Variants in MACROD2 observed in about 807,000 individuals in gnomAD.
MACROD2 encodes the protein ADP-ribose glycohydrolase MACROD2.
Under a neutral mutation model 70.4 loss-of-function variants are expected in MACROD2, and 36 were observed. That is an observed-to-expected ratio of 0.51 (90% CI 0.39 to 0.68). The LOEUF (loss-of-function observed/expected upper bound fraction) is 0.68, where lower values mean the gene tolerates loss of function less well. MACROD2 is among the 30% of genes least tolerant of loss of function. The probability of loss-of-function intolerance (pLI) is 0.00; values close to 1 mark genes in which losing one functional copy is unlikely to be tolerated. For synonymous variants in MACROD2, 172 were observed against 178.8 expected (o/e 0.96, Z 0.30); for missense variants, 496 against 538.4 (o/e 0.92, Z 0.78).
At chr20:15,235,096 A>G (rs566219623) in intron 6 of MACROD2, among the ~76,000 whole-genome samples, 8 of 152,348 alleles carry the variant, frequency 5.3e-5, no homozygotes, top group African/African-American at 1.7e-4. Context: ...TATTTGAGAA[A>G]ACTATTTTCA....
intron 8 of MACROD2, among the ~76,000 whole-genome samples, chr20:15,580,274 G>A (rs1414724689): frequency 2.0e-5 from 3 of 152,156 alleles, no homozygotes; most frequent in Non-Finnish European, 4.4e-5. Context: ...ACAATTTGGA[G>A]TCATTCTTCT....
chr20:15,687,514 TC>T (rs113502908), intron 8 of MACROD2, among the ~76,000 whole-genome samples: 32,379 of 151,900 alleles, frequency 0.21, 5,370 homozygotes, highest in African/African-American at 0.47. Flanking sequence ...TTGGTCATTG[TC>T]CTACATTCCC....
chr20:16,051,886 A>G lies in MACROD2; in HGVS notation c.*2010A>G, dbSNP rs910154940. On this transcript the variant is annotated 3_prime_UTR_variant, in exon 18 of 18. Transcript: ENST00000684519. ...CAGAGGGACAGAGATTTTCTAATGA[A>G]CAATGATGGAAGAGACCTAATGTCC... is the stretch of plus-strand genomic sequence containing the variant. 1.3e-5 allele frequency: 2 copies of G among 152,358 alleles called. No individual in the cohort carries two copies. Among genetic ancestry groups the G allele is most frequent in the Non-Finnish European group, 1.5e-5 (1 of 68,040 alleles). The allele number at this position is 152,358 out of a possible 1,614,324, so 9.4% of individuals were successfully genotyped here.
At chr20:15,474,738 G>C (rs970972054) in intron 7 of MACROD2, among the ~76,000 whole-genome samples, 5 of 152,192 alleles carry the variant, frequency 3.3e-5, no homozygotes, top group African/African-American at 1.2e-4. Flanking sequence ...AGAGAAAGTA[G>C]TTCGTTCTTA....
chr20:14,949,680 A>G (rs1424238643), intron 5 of MACROD2, among the ~76,000 whole-genome samples: 1 of 152,184 alleles, frequency 6.6e-6, no homozygotes, highest in Non-Finnish European at 1.5e-5. Context: ...TGACGCATTC[A>G]TGGTTTTCTT....
intron 8 of MACROD2, among the ~76,000 whole-genome samples, chr20:15,617,140 G>C (rs139226469): frequency 6.6e-6 from 1 of 152,134 alleles, no homozygotes; most frequent in African/African-American, 2.4e-5. Context: ...AAGTTACCAG[G>C]CTTTGTGCTC....
chr20:14,297,153 T>C (rs1054631804), intron 3 of MACROD2, among the ~76,000 whole-genome samples: 3 of 151,852 alleles, frequency 2.0e-5, no homozygotes, highest in African/African-American at 7.3e-5. Context: ...CTCCACTGAC[T>C]GGCTGTTTCC....
chr20:14,778,118 C>A (rs941781801), intron 5 of MACROD2, among the ~76,000 whole-genome samples: 3 of 152,180 alleles, frequency 2.0e-5, no homozygotes, highest in Middle Eastern at 3.4e-3. Flanking sequence ...GTCCCAAGTT[C>A]CAAAAGTTTG....
intron 7 of MACROD2, among the ~76,000 whole-genome samples, chr20:15,458,627 G>GTTT (rs1195911390): frequency 9.2e-6 from 1 of 108,944 alleles, no homozygotes; most frequent in African/African-American, 3.2e-5. Context: ...TTGTTTTTTT[G>GTTT]TTTTTTTTTT....
At chr20:15,331,719 A>G (rs955002364) in intron 6 of MACROD2, among the ~76,000 whole-genome samples, 3 of 151,526 alleles carry the variant, frequency 2.0e-5, no homozygotes, top group African/African-American at 7.3e-5. Context: ...CATTTTCAAG[A>G]ACTTGCTTTA....
intron 15 of MACROD2, among the ~76,000 whole-genome samples, chr20:16,009,948 G>A (rs2066840697): frequency 6.6e-6 from 1 of 152,068 alleles, no homozygotes; most frequent in Admixed American, 6.5e-5. Context: ...TCAGTAACTA[G>A]AAGAAATTGC....
chr20:15,439,991 T>C (rs1177496310), intron 7 of MACROD2, among the ~76,000 whole-genome samples: 1 of 152,152 alleles, frequency 6.6e-6, no homozygotes. Flanking sequence ...TCAGGCGTGC[T>C]TTCTGCCCTT....
chr20:15,802,340 C>G (rs551649827), intron 8 of MACROD2, among the ~76,000 whole-genome samples: 66 of 152,186 alleles, frequency 4.3e-4, no homozygotes, highest in South Asian at 8.3e-4. Context: ...TCATATATAG[C>G]TTTTATTATG....
chr20:15,610,144 G>A (rs897675015), intron 8 of MACROD2, among the ~76,000 whole-genome samples: 2 of 152,178 alleles, frequency 1.3e-5, no homozygotes, highest in Admixed American at 1.3e-4. Flanking sequence ...CAAACATGAA[G>A]TGGGTAGATT....
At chr20:14,934,547 G>T (rs1170823153) in intron 5 of MACROD2, among the ~76,000 whole-genome samples, 1 of 152,190 alleles carries the variant, frequency 6.6e-6, no homozygotes, top group Non-Finnish European at 1.5e-5. Flanking sequence ...AGCACTTTGG[G>T]AGGCTGAGGC....
intron 3 of MACROD2, among the ~76,000 whole-genome samples, chr20:14,467,753 T>C (rs116338091): frequency 3.3e-5 from 5 of 152,156 alleles, no homozygotes; most frequent in African/African-American, 1.2e-4. Flanking sequence ...CATTTAGTGC[T>C]TCACATTTCC....
At chr20:14,096,878 G>GTGTGTAA in intron 3 of MACROD2, among the ~76,000 whole-genome samples, 1 of 152,190 alleles carries the variant, frequency 6.6e-6, no homozygotes, top group Admixed American at 6.5e-5. Context: ...CTTTGCCCAT[G>GTGTGTAA]GGAAGTTTAG....
chr20:15,497,629 T>G (rs1324066854), intron 7 of MACROD2, among the ~76,000 whole-genome samples: 1 of 152,154 alleles, frequency 6.6e-6, no homozygotes, highest in Non-Finnish European at 1.5e-5. Flanking sequence ...GTACTCTCAT[T>G]CTGCTTTTCT....
intron 5 of MACROD2, among the ~76,000 whole-genome samples, chr20:14,868,323 G>A (rs997664834): frequency 1.3e-5 from 2 of 151,720 alleles, no homozygotes; most frequent in Non-Finnish European, 2.9e-5. Context: ...GAGTAGCTGG[G>A]ACTGCAGGTG....
Sources: gnomAD v4.1 joint callset for allele counts (sites outside exome capture counted in the v4.1 genomes callset) on GRCh38, gnomAD v4.1.1 for gene constraint, MANE v1.5 for transcripts, NCBI Gene and HGNC (gene_info 2026-07-23, HGNC 2026-07-21) for gene names.